RP1: variants seen among roughly 807,000 people sequenced by gnomAD.
The protein encoded by RP1 is RP1 axonemal microtubule associated.
A neutral mutation model predicts 14.8 loss-of-function variants in RP1; 16 were observed. The observed-to-expected ratio is 1.08, with a 90% confidence interval of 0.73 to 1.65. The LOEUF (loss-of-function observed/expected upper bound fraction) is 1.65. RP1 is among the 40% of genes most tolerant of loss of function. The pLI, the probability that RP1 is intolerant of heterozygous loss-of-function variation, is 0.00. For missense variants in RP1, 2,631 were observed against 2,535.0 expected (o/e 1.04, Z -0.81); for synonymous variants, 876 against 883.6 (o/e 0.99, Z 0.15).
At chr8:54,617,300 C>T (rs944893342) in intron 1 of RP1, among the ~76,000 whole-genome samples, 1 of 152,076 alleles carries the variant, frequency 6.6e-6, no homozygotes, top group African/African-American at 2.4e-5. Flanking sequence ...CCTAGGTAGC[C>T]CTTAAGTATA....
At chr8:54,867,487 C>T (rs1003835803) in intron 28 of RP1, among the ~76,000 whole-genome samples, 2 of 152,152 alleles carry the variant, frequency 1.3e-5, no homozygotes, top group African/African-American at 2.4e-5. Flanking sequence ...AATGGCATTA[C>T]TTACTAGCTC....
rs1806051597 is a variant in RP1 at position 54,626,425 on chromosome 8, G to A, written c.2543G>A (p.Arg848Lys). ...GCAGAAGTGGCATCTGGGTATTTGA[G>A]AGGAATGGCAAAGAAGAGTTTAGTT... ...SQAEVASGYL[R>K]GMAKKSLVSK... The change falls in exon 4 of 4, where the codon AGA becomes AAA. Residue 848 changes from arginine to lysine, a missense_variant. Arg to Lys is a conservative substitution (Grantham distance 26, BLOSUM62 2). Transcript: ENST00000220676. 2.5e-6 allele frequency: 4 copies of A among 1,613,670 alleles called. No individual in the cohort carries two copies. The highest frequency in any genetic ancestry group is 3.4e-6 in the Non-Finnish European group (4 of 1,179,890).
chr8:54,870,332 T>C (rs1221456972), exon 29 of RP1: 2 of 160,630 alleles, frequency 1.2e-5, no homozygotes, highest in East Asian at 3.5e-4. Context: ...TTGTAGAAAA[T>C]AACTGAAGAG....
At chr8:54,781,489 T>A (rs1385367689) in intron 23 of RP1, among the ~76,000 whole-genome samples, 2 of 152,154 alleles carry the variant, frequency 1.3e-5, no homozygotes, top group African/African-American at 4.8e-5. Flanking sequence ...AGTTTTGCAA[T>A]AGAAAATTAC....
Position 54,627,626 on chromosome 8 carries a change from A to C in RP1, c.3744A>C (p.Glu1248Asp). The C allele has an allele frequency of 6.2e-7, 1 of 1,614,194 alleles. No individual in the cohort carries two copies. The highest frequency in any genetic ancestry group is 1.1e-5 in the South Asian group (1 of 91,086). Residue 1248 changes from glutamate (E) to aspartate (D), a missense_variant, in exon 4 of 4, where the codon GAA (glutamate) becomes GAC (aspartate). Coordinates refer to ENST00000220676, the MANE Select transcript of RP1 (RefSeq NM_006269.2). ...CTGCCAGTGAGGCATGTGCCCCTGA[A>C]GTCTGTGTTTTGGAAGTGACTTGCT... is the stretch of plus-strand genomic sequence containing the variant. ...GCSASEACAP[E>D]VCVLEVTCSP...
intron 24 of RP1, among the ~76,000 whole-genome samples, chr8:54,818,505 A>C (rs1208538522): frequency 1.3e-5 from 2 of 152,240 alleles, no homozygotes; most frequent in Admixed American, 1.3e-4. Context: ...TAATAATGAA[A>C]AGTTTTGACA....
At chr8:54,577,773 C>T (rs1014509424) in intron 1 of RP1, among the ~76,000 whole-genome samples, 4 of 152,210 alleles carry the variant, frequency 2.6e-5, no homozygotes, top group East Asian at 1.9e-4. Flanking sequence ...AGCTGGAAAG[C>T]GTACAGGAGG....
At chr8:54,588,722 A>T (rs1199657151) in intron 1 of RP1, among the ~76,000 whole-genome samples, 1 of 152,184 alleles carries the variant, frequency 6.6e-6, no homozygotes, top group Non-Finnish European at 1.5e-5. Flanking sequence ...CTGACTTTAC[A>T]TCTCTAGATG....
At chr8:54,750,408 T>C (rs893592556) in intron 19 of RP1, among the ~76,000 whole-genome samples, 1 of 152,184 alleles carries the variant, frequency 6.6e-6, no homozygotes, top group African/African-American at 2.4e-5. Context: ...TGATCTTACT[T>C]CTAGGCACAA....
At chr8:54,821,338 A>C (rs1051840191) in intron 24 of RP1, among the ~76,000 whole-genome samples, 1 of 152,196 alleles carries the variant, frequency 6.6e-6, no homozygotes, top group Non-Finnish European at 1.5e-5. Flanking sequence ...GCTTTTTGGA[A>C]AGCTAAGGAT....
At chr8:54,853,914 A>G (rs1474179020) in intron 26 of RP1, among the ~76,000 whole-genome samples, 1 of 151,142 alleles carries the variant, frequency 6.6e-6, no homozygotes, top group Non-Finnish European at 1.5e-5. Flanking sequence ...GAAAGAGAAA[A>G]AAGAAAAAAG....
At chr8:54,720,411 A>T (rs1808507222) in intron 16 of RP1, 1 of 1,046,954 alleles carries the variant, frequency 9.6e-7, no homozygotes, top group Non-Finnish European at 1.3e-6. Context: ...CTCTGCTGCT[A>T]GGCTTTTTTG....
downstream of RP1, among the ~76,000 whole-genome samples, chr8:54,632,897 G>T (rs1379658967): frequency 6.6e-6 from 1 of 152,156 alleles, no homozygotes; most frequent in Non-Finnish European, 1.5e-5. Context: ...TACCTGAAGG[G>T]CTGAGTATGG....
chr8:54,771,317 T>G (rs950169814), downstream of RP1, among the ~76,000 whole-genome samples: 22 of 151,898 alleles, frequency 1.4e-4, no homozygotes, highest in African/African-American at 5.3e-4. Context: ...AGTAGAAAAA[T>G]TATCCATTAA....
intron 22 of RP1, among the ~76,000 whole-genome samples, chr8:54,765,975 CA>C (rs1809751152): frequency 6.6e-6 from 1 of 151,192 alleles, no homozygotes; most frequent in African/African-American, 2.4e-5. Flanking sequence ...ATGGATTTAG[CA>C]AATATTTATA....
chr8:54,640,521 T>G (rs955049367), intron 3 of RP1, among the ~76,000 whole-genome samples: 1 of 152,196 alleles, frequency 6.6e-6, no homozygotes, highest in Non-Finnish European at 1.5e-5. Context: ...AGCTTGGAAC[T>G]TCCCCCTGCT....
At chr8:54,715,626 T>A (rs573552962) in intron 15 of RP1, among the ~76,000 whole-genome samples, 1 of 152,278 alleles carries the variant, frequency 6.6e-6, no homozygotes. Context: ...GGCAGGTTGA[T>A]TTGAGCAGAG....
intron 7 of RP1, among the ~76,000 whole-genome samples, chr8:54,665,068 C>A (rs1021871557): frequency 2.6e-5 from 4 of 152,266 alleles, no homozygotes; most frequent in Non-Finnish European, 5.9e-5. Context: ...TATTCTGGAA[C>A]TTAAACCTTT....
intron 12 of RP1, among the ~76,000 whole-genome samples, chr8:54,681,512 G>T (rs182362667): frequency 1.3e-3 from 182 of 145,196 alleles, no homozygotes; most frequent in African/African-American, 5.0e-3. Context: ...GTGTGTGTGT[G>T]TGTGTGTGTG....
Sources: allele counts gnomAD v4.1 joint callset (sites outside exome capture counted in the v4.1 genomes callset), GRCh38; gene constraint gnomAD v4.1.1; transcripts MANE v1.5; gene names NCBI Gene and HGNC (gene_info 2026-07-23, HGNC 2026-07-21).